ARHGAP26: variants seen among roughly 807,000 people sequenced by gnomAD.
ARHGAP26 encodes Rho GTPase activating protein 26, also known as rho GTPase-activating protein 26.
A neutral mutation model predicts 104.8 loss-of-function variants in ARHGAP26; 38 were observed. That is an observed-to-expected ratio of 0.36 (90% CI 0.28 to 0.48). ARHGAP26 has a LOEUF of 0.48. Among genes scored for constraint, ARHGAP26 ranks in the 20% least tolerant of loss-of-function variants. The pLI, the probability that ARHGAP26 is intolerant of heterozygous loss-of-function variation, is 0.99. For missense variants in ARHGAP26, 704 were observed against 947.9 expected (o/e 0.74, Z 3.38); for synonymous variants, 341 against 340.0 (o/e 1.00, Z -0.03).
At chr5:143,012,552 C>CACATATATATATATATAT (rs1778940698) in intron 11 of ARHGAP26, among the ~76,000 whole-genome samples, 1 of 20,846 alleles carries the variant, frequency 4.8e-5, no homozygotes, top group Non-Finnish European at 1.4e-4. Context: ...TACATACATA[C>CACATATATATATATATAT]ATATATATAT....
intron 12 of ARHGAP26, among the ~76,000 whole-genome samples, chr5:143,026,073 G>GT (rs1481140391): frequency 6.6e-6 from 1 of 152,172 alleles, no homozygotes; most frequent in Non-Finnish European, 1.5e-5. Context: ...TGTCAAACCT[G>GT]TTTGTCTCAT....
At chr5:142,897,298 G>C (rs908667977) in intron 6 of ARHGAP26, among the ~76,000 whole-genome samples, 7 of 152,226 alleles carry the variant, frequency 4.6e-5, no homozygotes, top group Non-Finnish European at 1.0e-4. Flanking sequence ...CTCATGTTAG[G>C]ACAAAGATAG....
chr5:142,952,211 A>G (rs1391204541), intron 11 of ARHGAP26, among the ~76,000 whole-genome samples: 3 of 152,168 alleles, frequency 2.0e-5, no homozygotes, highest in Non-Finnish European at 4.4e-5. Flanking sequence ...GGGTGAGGAC[A>G]TGGACCTGTC....
At chr5:143,150,462 G>T (rs1474508827) in intron 20 of ARHGAP26, among the ~76,000 whole-genome samples, 4 of 152,182 alleles carry the variant, frequency 2.6e-5, no homozygotes, top group African/African-American at 9.7e-5. Flanking sequence ...TAGTGGAAAA[G>T]GTCGGGTAGA....
rs1461943108 is a variant in ARHGAP26, at chr5:143,214,101, T to C, written c.2191+13T>C. ...GTCTTCGATAACGGTGAGTTTCTCA[T>C]CCCCTCACAAAGATATGGGCGGGGG... On this transcript the variant is annotated intron_variant, in intron 22 of 22. Transcript: ENST00000645722. 2.7e-6 allele frequency: 2 copies of C among 729,856 alleles called. No individual in the cohort carries two copies. The highest frequency in any genetic ancestry group is 4.2e-5 in the East Asian group (1 of 24,024). The allele number at this position is 729,856 out of a possible 1,614,324, so 45.2% of individuals were successfully genotyped here.
intron 1 of ARHGAP26, among the ~76,000 whole-genome samples, chr5:142,845,386 A>T (rs1039921874): frequency 6.6e-6 from 1 of 152,120 alleles, no homozygotes; most frequent in African/African-American, 2.4e-5. Flanking sequence ...AAGAATAGCA[A>T]ATGTCCAAGG....
chr5:142,785,077 C>T (rs1758293283), intron 1 of ARHGAP26, among the ~76,000 whole-genome samples: 1 of 151,896 alleles, frequency 6.6e-6, no homozygotes, highest in South Asian at 2.1e-4. Flanking sequence ...TCTACAGGCG[C>T]CCACCACCAT....
At chr5:143,155,128 T>G (rs2151025256) in intron 20 of ARHGAP26, among the ~76,000 whole-genome samples, 1 of 152,320 alleles carries the variant, frequency 6.6e-6, no homozygotes, top group East Asian at 1.9e-4. Flanking sequence ...ATTCCCCACC[T>G]TTGGAAATAA....
At chr5:143,201,799 A>G (rs12234019) in intron 20 of ARHGAP26, among the ~76,000 whole-genome samples, 40,444 of 152,146 alleles carry the variant, frequency 0.27, 7,450 homozygotes, top group African/African-American at 0.53. Flanking sequence ...GCATCTTTGC[A>G]GTACATAAAA....
chr5:143,092,366 A>G (rs1014436074), intron 17 of ARHGAP26, among the ~76,000 whole-genome samples: 1 of 151,958 alleles, frequency 6.6e-6, no homozygotes, highest in Non-Finnish European at 1.5e-5. Context: ...GGGTTTCACC[A>G]TGTTAGCCAG....
At chr5:142,862,933 T>C (rs1753626220) in intron 1 of ARHGAP26, among the ~76,000 whole-genome samples, 1 of 152,188 alleles carries the variant, frequency 6.6e-6, no homozygotes, top group Admixed American at 6.5e-5. Context: ...AGAGTCTGTG[T>C]TCTCTCAATT....
rs528272103 is a variant in ARHGAP26 at position 143,161,831 on chromosome 5, G to C, written c.1988+14450G>C. ...TGTTTTGTAGTTACCAAAGCAGTGA[G>C]ATAGAAATCATTCTGGGTTTCGAGC... On this transcript the variant is annotated intron_variant, in intron 20 of 22. Transcript: ENST00000645722. Among the ~76,000 whole-genome samples, 5 of 152,350 alleles carry C rather than the reference G, an allele frequency of 3.3e-5. No homozygotes were observed. In the South Asian group the frequency reaches 1.0e-3, roughly 32 times the overall value.
chr5:142,982,124 C>T (rs779205307), intron 11 of ARHGAP26, among the ~76,000 whole-genome samples: 1 of 152,206 alleles, frequency 6.6e-6, no homozygotes, highest in Non-Finnish European at 1.5e-5. Flanking sequence ...GCTGTTCAGA[C>T]AGTGGACTGA....
At chr5:143,042,178 A>G (rs1783567763) in intron 14 of ARHGAP26, among the ~76,000 whole-genome samples, 2 of 151,938 alleles carry the variant, frequency 1.3e-5, no homozygotes, top group African/African-American at 4.8e-5. Flanking sequence ...CACTCATGTG[A>G]CCACCACACC....
chr5:143,027,373 A>T (rs1410782127), intron 12 of ARHGAP26, among the ~76,000 whole-genome samples: 1 of 148,534 alleles, frequency 6.7e-6, no homozygotes, highest in Non-Finnish European at 1.5e-5. Flanking sequence ...TAGTAGAGAC[A>T]GGATTTCATC....
intron 17 of ARHGAP26, among the ~76,000 whole-genome samples, chr5:143,115,265 G>A (rs985020383): frequency 3.9e-5 from 6 of 151,940 alleles, no homozygotes; most frequent in South Asian, 2.1e-4. Context: ...CCCAGGAGGC[G>A]GAGGTTGCAG....
At chr5:143,101,988 C>T (rs889062201) in intron 17 of ARHGAP26, among the ~76,000 whole-genome samples, 2 of 151,622 alleles carry the variant, frequency 1.3e-5, no homozygotes, top group African/African-American at 4.9e-5. Flanking sequence ...GTCTGGAGAA[C>T]ATGAAACAAT....
chr5:142,936,268 A>G (rs1598307777), intron 11 of ARHGAP26, among the ~76,000 whole-genome samples: 1 of 152,188 alleles, frequency 6.6e-6, no homozygotes, highest in African/African-American at 2.4e-5. Context: ...TCAAAAGTGT[A>G]ACACCATTGA....
intron 18 of ARHGAP26, among the ~76,000 whole-genome samples, chr5:143,127,086 T>C (rs1353644095): frequency 6.6e-6 from 1 of 152,252 alleles, no homozygotes; most frequent in Non-Finnish European, 1.5e-5. Context: ...TTTAAACGCT[T>C]ACTTGCTAAT....
Sources: gnomAD v4.1 joint callset for allele counts (sites outside exome capture counted in the v4.1 genomes callset) on GRCh38, gnomAD v4.1.1 for gene constraint, MANE v1.5 for transcripts, NCBI Gene and HGNC (gene_info 2026-07-23, HGNC 2026-07-21) for gene names.